The following HS6ST3 variants were observed in gnomAD, a reference collection of about 807,000 sequenced individuals.
HS6ST3 encodes heparan-sulfate 6-O-sulfotransferase 3.
Under a neutral mutation model 36.7 loss-of-function variants are expected in HS6ST3, and 12 were observed. The observed-to-expected ratio is 0.33, with a 90% CI of 0.21 to 0.53. The LOEUF (loss-of-function observed/expected upper bound fraction) is 0.53. HS6ST3 is among the 20% of genes least tolerant of loss of function. The pLI is 0.95. For missense variants in HS6ST3, 584 were observed against 640.9 expected, an observed-to-expected ratio of 0.91 and a Z score of 0.96; for synonymous variants, 240 against 257.5, an observed-to-expected ratio of 0.93 and a Z score of 0.65.
chr13:96,566,710 A>C, intron 1 of HS6ST3, among the ~76,000 whole-genome samples: 1 of 152,190 alleles, frequency 6.6e-6, no homozygotes, highest in Non-Finnish European at 1.5e-5. Context: ...AACAATAGTC[A>C]TAATAATGTA....
At chr13:96,510,337 T>A (rs1047411955) in intron 1 of HS6ST3, among the ~76,000 whole-genome samples, 1 of 152,096 alleles carries the variant, frequency 6.6e-6, no homozygotes, top group Non-Finnish European at 1.5e-5. Flanking sequence ...TAGCTTGACT[T>A]CTTTTACAAT....
At chr13:96,535,145 G>A (rs1401013927) in intron 1 of HS6ST3, among the ~76,000 whole-genome samples, 3 of 152,120 alleles carry the variant, frequency 2.0e-5, no homozygotes, top group Non-Finnish European at 4.4e-5. Flanking sequence ...GCCTGGGACT[G>A]GGGTAGAAAC....
intron 1 of HS6ST3, among the ~76,000 whole-genome samples, chr13:96,386,363 T>A (rs999124228): frequency 3.3e-5 from 5 of 152,158 alleles, no homozygotes; most frequent in Admixed American, 1.3e-4. Flanking sequence ...TCTAAAGTGA[T>A]GTGCAGAATG....
intron 1 of HS6ST3, among the ~76,000 whole-genome samples, chr13:96,682,747 G>A (rs1262869425): frequency 1.3e-5 from 2 of 152,026 alleles, no homozygotes; most frequent in Non-Finnish European, 2.9e-5. Flanking sequence ...TAAATGATGG[G>A]TTTATTTCTT....
At chr13:96,250,757 A>G (rs995994311) in intron 1 of HS6ST3, among the ~76,000 whole-genome samples, 6 of 152,186 alleles carry the variant, frequency 3.9e-5, no homozygotes, top group African/African-American at 1.4e-4. Flanking sequence ...GGCAGTACGT[A>G]CCTTCTACAC....
At chr13:96,341,306 A>G (rs1267598008) in intron 1 of HS6ST3, among the ~76,000 whole-genome samples, 3 of 152,162 alleles carry the variant, frequency 2.0e-5, no homozygotes, top group Admixed American at 2.0e-4. Flanking sequence ...AGGGGCTCGT[A>G]TTTCATTTTG....
At chr13:96,277,206 C>A (rs1322746829) in intron 1 of HS6ST3, among the ~76,000 whole-genome samples, 2 of 152,178 alleles carry the variant, frequency 1.3e-5, no homozygotes, top group South Asian at 4.1e-4. Flanking sequence ...CAAGTTCCAT[C>A]CAAGTCCATG....
intron 1 of HS6ST3, among the ~76,000 whole-genome samples, chr13:96,680,744 G>A (rs78695702): frequency 0.052 from 7,921 of 152,256 alleles, 241 homozygotes; most frequent in Middle Eastern, 0.088. Context: ...TCTAGCCATG[G>A]ACACATTTTT....
intron 1 of HS6ST3, among the ~76,000 whole-genome samples, chr13:96,823,760 C>T (rs1429159608): frequency 1.3e-5 from 2 of 152,124 alleles, no homozygotes; most frequent in Non-Finnish European, 2.9e-5. Context: ...GCTGGGATTA[C>T]AGTCGCATGC....
rs181073627 is a variant in HS6ST3 at position 96,197,905 on chromosome 13, G to A, written c.707+106336G>A. Among the ~76,000 whole-genome samples the A allele has an allele frequency of 2.7e-4, 41 of 152,320 alleles. 1 individual carries two copies. In the East Asian group the frequency reaches 7.5e-3, roughly 28 times the overall value. On this transcript the variant is annotated intron_variant, in intron 1 of 1. Transcript: ENST00000376705. ...CACAGCTCCACTGGGCAGTGCCCCA[G>A]TAGGGACTCTGTGTGGGCGCTCTGA...
chr13:96,745,461 G>T (rs1267830178), intron 1 of HS6ST3, among the ~76,000 whole-genome samples: 1 of 152,050 alleles, frequency 6.6e-6, no homozygotes, highest in Non-Finnish European at 1.5e-5. Context: ...ACAATTCCAT[G>T]TCCGTTTAAA....
At chr13:96,776,406 G>GT (rs952241013) in intron 1 of HS6ST3, among the ~76,000 whole-genome samples, 6 of 152,210 alleles carry the variant, frequency 3.9e-5, no homozygotes, top group Non-Finnish European at 7.4e-5. Context: ...CCAGGAGCTG[G>GT]TTTTTTGAAA....
At chr13:96,721,747 T>A (rs1594844840) in intron 1 of HS6ST3, among the ~76,000 whole-genome samples, 1 of 152,340 alleles carries the variant, frequency 6.6e-6, no homozygotes, top group East Asian at 1.9e-4. Flanking sequence ...GCATTGGCCG[T>A]ATATTACATG....
At chr13:96,809,959 C>G (rs551575496) in intron 1 of HS6ST3, among the ~76,000 whole-genome samples, 1 of 152,078 alleles carries the variant, frequency 6.6e-6, no homozygotes, top group Non-Finnish European at 1.5e-5. Context: ...GGTACTGGTA[C>G]GACAGTGAGA....
intron 1 of HS6ST3, among the ~76,000 whole-genome samples, chr13:96,515,448 C>G (rs2056068538): frequency 6.6e-6 from 1 of 152,200 alleles, no homozygotes. Context: ...TTCTTTCCTG[C>G]ACATGCAGAG....
intron 1 of HS6ST3, among the ~76,000 whole-genome samples, chr13:96,473,791 A>G (rs1169542687): frequency 6.6e-6 from 1 of 152,204 alleles, no homozygotes; most frequent in Admixed American, 6.5e-5. Flanking sequence ...GTGGCTGGCC[A>G]AAGTCAAGAG....
intron 1 of HS6ST3, among the ~76,000 whole-genome samples, chr13:96,112,613 A>ATATATATATATATATATATG (rs2053875675): frequency 2.7e-5 from 3 of 110,734 alleles, no homozygotes; most frequent in African/African-American, 9.9e-5. Context: ...ATATATATAT[A>ATATATATATATATATATATG]TATATATATG....
intron 1 of HS6ST3, among the ~76,000 whole-genome samples, chr13:96,698,216 C>A (rs766124551): frequency 6.6e-6 from 1 of 152,054 alleles, no homozygotes; most frequent in African/African-American, 2.4e-5. Flanking sequence ...CCACAACAGG[C>A]CCCGGTGTGT....
At chr13:96,330,276 C>G (rs2055058365) in intron 1 of HS6ST3, among the ~76,000 whole-genome samples, 1 of 151,880 alleles carries the variant, frequency 6.6e-6, no homozygotes, top group African/African-American at 2.4e-5. Context: ...TCTTCCTAGT[C>G]TTGATGGTCT....
Sources: gnomAD v4.1 joint callset for allele counts (sites outside exome capture counted in the v4.1 genomes callset) on GRCh38, gnomAD v4.1.1 for gene constraint, MANE v1.5 for transcripts, NCBI Gene and HGNC (gene_info 2026-07-23, HGNC 2026-07-21) for gene names.